C16orf89: variants seen among roughly 807,000 people sequenced by gnomAD.
C16orf89 encodes the protein chromosome 16 open reading frame 89.
Under a neutral mutation model 41.5 loss-of-function variants are expected in C16orf89, and 57 were observed. The observed-to-expected ratio is 1.38, with a 90% CI of 1.11 to 1.71. C16orf89 has a LOEUF of 1.71. Among genes scored for constraint, C16orf89 ranks in the 40% most tolerant of loss-of-function variants. The pLI, the probability that C16orf89 is intolerant of heterozygous loss-of-function variation, is 0.00. For synonymous variants in C16orf89, 223 were observed against 190.6 expected (o/e 1.17, Z -1.40); for missense variants, 575 against 445.9 (o/e 1.29, Z -2.61).
chr16:5,063,147 A>T (rs1956663496), intron 1 of C16orf89, among the ~76,000 whole-genome samples: 1 of 151,934 alleles, frequency 6.6e-6, no homozygotes, highest in Non-Finnish European at 1.5e-5. Flanking sequence ...AATTGGGGAG[A>T]CATGAGTGAG....
chr16:5,046,232 T>G (rs1041155212), intron 7 of C16orf89, among the ~76,000 whole-genome samples: 1 of 152,214 alleles, frequency 6.6e-6, no homozygotes, highest in African/African-American at 2.4e-5. Context: ...GATGGAGAGA[T>G]GTTTAGTTAC....
chr16:5,044,780 G>A, intron 7 of C16orf89: 1 of 1,155,726 alleles, frequency 8.7e-7, no homozygotes, highest in Non-Finnish European at 1.1e-6. Flanking sequence ...GGAGGCAAAG[G>A]TTGCAGTGAG....
At chr16:5,065,044 G>T (rs532997822) in intron 1 of C16orf89, among the ~76,000 whole-genome samples, 2 of 152,182 alleles carry the variant, frequency 1.3e-5, no homozygotes, top group African/African-American at 2.4e-5. Flanking sequence ...GGAGCCACCT[G>T]TGTGCTTGTG....
intron 4 of C16orf89, among the ~76,000 whole-genome samples, 164 bp downstream of exon 4, chr16:5,058,329 C>T (rs1284642526): frequency 2.0e-5 from 3 of 151,808 alleles, no homozygotes; most frequent in Admixed American, 6.6e-5. Flanking sequence ...GAATGGGTTT[C>T]ACCATGTTGG....
At position 5,047,132 on chromosome 16, in the gene C16orf89, T is replaced by C. The variant is rs187347497; in HGVS notation, c.955+746A>G. 2.1e-3 allele frequency among the ~76,000 whole-genome samples: 319 copies of C among 152,252 alleles called. 4 individuals are homozygous for C. Among genetic ancestry groups the C allele is most frequent in the African/African-American group, 4.5e-3 (188 of 41,532 alleles). ...GGAATGAGGGGAGAAGCCAGAATAT[T>C]TCTCCCTTCCTCTCTCTGTCTCCCC... On this transcript the variant is annotated intron_variant, in intron 7 of 7. Transcript: ENST00000472572.
At chr16:5,050,923 A>G (rs978172297) in intron 6 of C16orf89, among the ~76,000 whole-genome samples, 4 of 152,236 alleles carry the variant, frequency 2.6e-5, no homozygotes, top group Non-Finnish European at 5.9e-5. Flanking sequence ...AATATGATAC[A>G]TTACACCAAT....
chr16:5,047,430 A>G (rs749531749), intron 7 of C16orf89, among the ~76,000 whole-genome samples: 3 of 151,456 alleles, frequency 2.0e-5, no homozygotes, highest in Non-Finnish European at 4.4e-5. Flanking sequence ...TGCTCCTTTA[A>G]CAAAAGACAG....
chr16:5,058,794 C>G (rs913842762), intron 3 of C16orf89, among the ~76,000 whole-genome samples, 184 bp from the exon 4 acceptor site: 1 of 152,082 alleles, frequency 6.6e-6, no homozygotes, highest in Non-Finnish European at 1.5e-5. Flanking sequence ...TGCCCTAGCC[C>G]AGGAAAGATG....
chr16:5,056,331 C>A, intron 4 of C16orf89, 143 bp from the exon 5 acceptor site: 2 of 708,344 alleles, frequency 2.8e-6, no homozygotes, highest in Non-Finnish European at 4.2e-6. Flanking sequence ...TCTTTTTCTC[C>A]TTTTCGCAGG....
intron 1 of C16orf89, among the ~76,000 whole-genome samples, chr16:5,063,256 G>A (rs1026222420): frequency 2.0e-5 from 3 of 152,184 alleles, no homozygotes; most frequent in African/African-American, 7.2e-5. Context: ...GATGGGCTAG[G>A]TTAAGAAGGA....
intron 7 of C16orf89, 138 bp from the exon 8 acceptor site, chr16:5,044,616 C>T (rs749223336): frequency 6.1e-6 from 9 of 1,469,758 alleles, no homozygotes; most frequent in South Asian, 3.7e-5. Flanking sequence ...CTGAGGTGGG[C>T]GGATCTCTTG....
At chr16:5,061,801 G>A (rs1212818658) in intron 2 of C16orf89, among the ~76,000 whole-genome samples, 1 of 152,164 alleles carries the variant, frequency 6.6e-6, no homozygotes, top group Non-Finnish European at 1.5e-5. Context: ...GGAGTGGGGA[G>A]CAGAGGGGAC....
At chr16:5,046,644 G>T (rs1414608329) in intron 7 of C16orf89, among the ~76,000 whole-genome samples, 1 of 152,104 alleles carries the variant, frequency 6.6e-6, no homozygotes, top group Non-Finnish European at 1.5e-5. Flanking sequence ...AGCCACTGTG[G>T]CTGTCCTATT....
At chr16:5,055,886 G>C in intron 5 of C16orf89, 167 bp downstream of exon 5, 1 of 1,252,200 alleles carries the variant, frequency 8.0e-7, no homozygotes, top group African/African-American at 1.5e-5. Flanking sequence ...CTTATCTGAA[G>C]TTCAAATTTA....
intron 6 of C16orf89, 53 bp downstream of exon 6, chr16:5,055,193 C>A: frequency 1.4e-6 from 2 of 1,444,726 alleles, no homozygotes; most frequent in Non-Finnish European, 9.5e-7. Context: ...AAACTCAGAG[C>A]CACCCCCACC....
intron 1 of C16orf89, among the ~76,000 whole-genome samples, chr16:5,063,056 A>G (rs750973608): frequency 1.3e-5 from 2 of 152,158 alleles, no homozygotes; most frequent in African/African-American, 2.4e-5. Context: ...GCCTTTTTCT[A>G]ATTCCCACAG....
Position 5,060,423 on chromosome 16 carries a change from G to A in C16orf89, c.372C>T (p.Thr124=). The change falls in exon 3 of 8, where the codon ACC becomes ACT. Residue 124 remains threonine, a synonymous_variant. Coordinates refer to ENST00000472572, the MANE Select transcript of C16orf89 (RefSeq NM_001098514.3). Reference sequence around the variant, plus strand: ...GGAGCTTCCAAAACCCGGGCTGGAGGGTCAGCTGGAACTCTGGCAGAGAGG... The same window carrying A: ...GGAGCTTCCAAAACCCGGGCTGGAGAGTCAGCTGGAACTCTGGCAGAGAGG... ...DPKYLREFQL[T]LQPGFWKLPH... is the part of the protein sequence containing the mutation. 1.2e-6 allele frequency: 2 copies of A among 1,612,790 alleles called. No individual in the cohort carries two copies. Among genetic ancestry groups the A allele is most frequent in the Non-Finnish European group, 1.7e-6 (2 of 1,179,468 alleles).
intron 5 of C16orf89, 53 bp downstream of exon 5, chr16:5,056,000 T>C (rs1784265440): frequency 8.2e-6 from 9 of 1,103,320 alleles, no homozygotes; most frequent in Non-Finnish European, 1.1e-5. Flanking sequence ...TGTGTGTGTG[T>C]TGGTGGGGGG....
At chr16:5,064,696 T>G (rs544360982) in intron 1 of C16orf89, among the ~76,000 whole-genome samples, 2 of 152,162 alleles carry the variant, frequency 1.3e-5, no homozygotes, top group Non-Finnish European at 2.9e-5. Flanking sequence ...GAATCTGTTA[T>G]GGAGCAAGAT....
Sources: gnomAD v4.1 joint callset for allele counts (sites outside exome capture counted in the v4.1 genomes callset) on GRCh38, gnomAD v4.1.1 for gene constraint, MANE v1.5 for transcripts, NCBI Gene and HGNC (gene_info 2026-07-23, HGNC 2026-07-21) for gene names.